Variants in RBM39 observed in about 807,000 individuals in gnomAD.
The protein encoded by RBM39 is RNA binding motif protein 39, also known as RNA-binding protein 39.
A neutral mutation model predicts 79.6 loss-of-function variants in RBM39; 12 were observed. The observed-to-expected ratio is 0.15, with a 90% CI of 0.10 to 0.24. RBM39 has a LOEUF of 0.24. RBM39 is among the 10% of genes least tolerant of loss of function. The probability of loss-of-function intolerance (pLI) is 1.00; values close to 1 mark genes in which losing one functional copy is unlikely to be tolerated. For synonymous variants in RBM39, 185 were observed against 208.4 expected (o/e 0.89, Z 0.97); for missense variants, 243 against 653.4 (o/e 0.37, Z 6.85).
intron 3 of RBM39, among the ~76,000 whole-genome samples, chr20:35,738,229 C>G (rs1329397432): frequency 1.3e-5 from 2 of 151,938 alleles, no homozygotes; most frequent in Non-Finnish European, 2.9e-5. Flanking sequence ...GACTGCGCCA[C>G]TGCGCTCCAG....
At chr20:35,711,461 C>T (rs1360269633) in intron 12 of RBM39, among the ~76,000 whole-genome samples, 2 of 152,128 alleles carry the variant, frequency 1.3e-5, no homozygotes, top group African/African-American at 4.8e-5. Context: ...ATAAAGATAA[C>T]TTGAGGAGGG....
intron 6 of RBM39, among the ~76,000 whole-genome samples, chr20:35,726,699 A>C (rs2038732700): frequency 6.6e-6 from 1 of 152,236 alleles, no homozygotes; most frequent in African/African-American, 2.4e-5. Flanking sequence ...TCTCTGTTAC[A>C]AAATATCAAT....
At chr20:35,737,953 A>T (rs1357343470) in intron 3 of RBM39, among the ~76,000 whole-genome samples, 1 of 150,970 alleles carries the variant, frequency 6.6e-6, no homozygotes. Flanking sequence ...CAGGAGATGG[A>T]GACCATTCTG....
intron 3 of RBM39, chr20:35,734,901 G>A (rs753275562): frequency 5.1e-6 from 8 of 1,561,362 alleles, no homozygotes; most frequent in South Asian, 1.2e-5. Context: ...CAACTTAAAA[G>A]GGACTTTCCA....
chr20:35,724,773 GAATT>G, intron 7 of RBM39, 51 bp from the exon 8 acceptor site: 4 of 1,579,884 alleles, frequency 2.5e-6, no homozygotes, highest in East Asian at 2.2e-5. Flanking sequence ...AACACATGTA[GAATT>G]ATTTCAAGAG....
intron 2 of RBM39, chr20:35,740,115 C>T (rs1325118795): frequency 6.4e-6 from 1 of 156,806 alleles, no homozygotes; most frequent in Non-Finnish European, 1.4e-5. Flanking sequence ...ATATGGAGAA[C>T]AGTAAAACAG....
At chr20:35,736,653 G>A (rs376377560) in intron 3 of RBM39, 2 of 458,954 alleles carry the variant, frequency 4.4e-6, no homozygotes, top group Non-Finnish European at 9.0e-6. Flanking sequence ...AAGTATGACA[G>A]ATTTTTATGT....
intron 2 of RBM39, chr20:35,740,173 T>C (rs2040374949): frequency 5.9e-6 from 1 of 168,378 alleles, no homozygotes; most frequent in South Asian, 1.2e-4. Context: ...TGTATTAAGC[T>C]TGTATTGACT....
At chr20:35,725,249 A>G (rs1269964408) in intron 6 of RBM39, 94 bp from the exon 7 acceptor site, 2 of 880,732 alleles carry the variant, frequency 2.3e-6, no homozygotes, top group Non-Finnish European at 3.4e-6. Flanking sequence ...ACAGGTTTTC[A>G]GGTACAGGTG....
At chr20:35,731,840 TAAA>T (rs1290036606) in intron 4 of RBM39, 98 bp downstream of exon 4, 9 of 1,099,228 alleles carry the variant, frequency 8.2e-6, no homozygotes, top group Non-Finnish European at 9.4e-6. Context: ...AACCAATCAT[TAAA>T]AAAATAAAAA....
Position 35,705,338 on chromosome 20 carries a change from A to G in RBM39, c.1308-8T>C. ...CATCCAACTTCTTCTTCTCTGTAAGAAAGTATTAAGGACTCTTAAATACTA... is the reference window on the plus strand; with the variant it reads ...CATCCAACTTCTTCTTCTCTGTAAGGAAGTATTAAGGACTCTTAAATACTA... On this transcript the variant is annotated splice_polypyrimidine_tract_variant and splice_region_variant and intron_variant, in intron 14 of 16. Coordinates refer to ENST00000253363, the MANE Select transcript of RBM39 (RefSeq NM_184234.3). The G allele has an allele frequency of 6.6e-7, 1 of 1,513,146 alleles. No individual in the cohort carries two copies. Among genetic ancestry groups the G allele is most frequent in the Non-Finnish European group, 9.1e-7 (1 of 1,102,790 alleles). 93.7% of individuals were successfully genotyped at this position (1,513,146 alleles called of 1,614,324 possible). A position where few individuals can be genotyped will look rare whatever the true frequency, so the allele number is the denominator to read the frequency against.
intron 4 of RBM39, 198 bp downstream of exon 4, chr20:35,731,743 T>C (rs1406229129): frequency 4.9e-6 from 3 of 614,092 alleles, no homozygotes; most frequent in Non-Finnish European, 8.4e-6. Context: ...GTATGCCTAG[T>C]AAAAGCAAAT....
intron 8 of RBM39, among the ~76,000 whole-genome samples, chr20:35,723,612 CATTTT>C: frequency 6.6e-6 from 1 of 152,170 alleles, no homozygotes; most frequent in South Asian, 2.1e-4. Context: ...CTAATTTTTG[CATTTT>C]AGTAGAGACA....
rs1301689525 is a variant in RBM39 at position 35,740,808 on chromosome 20, A to C, written c.51+16T>G. ...ATTAAGAAATATATAAACCTCACCG[A>C]CATGTTTTTTCTCACCTTCTTGTAA... On this transcript the variant is annotated intron_variant, in intron 2 of 16. Transcript: ENST00000253363. 5 of 1,602,930 alleles carry C rather than the reference A, an allele frequency of 3.1e-6. No individual in the cohort carries two copies. Among genetic ancestry groups the C allele is most frequent in the Non-Finnish European group, 4.3e-6 (5 of 1,172,696 alleles).
At chr20:35,721,097 C>T (rs748081947) in intron 9 of RBM39, among the ~76,000 whole-genome samples, 12 of 152,042 alleles carry the variant, frequency 7.9e-5, no homozygotes, top group African/African-American at 1.9e-4. Context: ...CGCACCAACA[C>T]GCCCAGCTAA....
At chr20:35,734,952 GAAGT>G in intron 3 of RBM39, 1 of 1,604,014 alleles carries the variant, frequency 6.2e-7, no homozygotes, top group Non-Finnish European at 8.5e-7. Context: ...GAACATCACT[GAAGT>G]AAATGGTCCA....
intron 3 of RBM39, among the ~76,000 whole-genome samples, chr20:35,733,429 G>A (rs1228888030): frequency 2.0e-5 from 3 of 152,002 alleles, no homozygotes; most frequent in Non-Finnish European, 4.4e-5. Context: ...TCGACACGGT[G>A]AAAACCCATC....
chr20:35,740,112 G>A (rs2040369018), intron 2 of RBM39: 1 of 157,054 alleles, frequency 6.4e-6, no homozygotes, highest in Non-Finnish European at 1.4e-5. Context: ...ACAATATGGA[G>A]AACAGTAAAA....
chr20:35,724,463 G>A (rs1410779175), intron 8 of RBM39, 107 bp downstream of exon 8: 13 of 967,334 alleles, frequency 1.3e-5, no homozygotes, highest in Admixed American at 9.0e-5. Flanking sequence ...GAAAACATCC[G>A]ACTCAACGTA....
Sources: gnomAD v4.1 joint callset for allele counts (sites outside exome capture counted in the v4.1 genomes callset) on GRCh38, gnomAD v4.1.1 for gene constraint, MANE v1.5 for transcripts, NCBI Gene and HGNC (gene_info 2026-07-23, HGNC 2026-07-21) for gene names.